ADAM18: variants seen among roughly 807,000 people sequenced by gnomAD.
The protein encoded by ADAM18 is disintegrin and metalloproteinase domain-containing protein 18.
A neutral mutation model predicts 94.4 loss-of-function variants in ADAM18; 117 were observed. The observed-to-expected ratio is 1.24, with a 90% CI of 1.07 to 1.45. The LOEUF (loss-of-function observed/expected upper bound fraction) is 1.45, where lower values mean the gene tolerates loss of function less well. Ranked by LOEUF, ADAM18 falls within the 40% of genes most tolerant of loss-of-function variation. The pLI, the probability that ADAM18 is intolerant of heterozygous loss-of-function variation, is 0.00. For missense variants in ADAM18, 936 were observed against 880.0 expected (o/e 1.06, Z -0.81); for synonymous variants, 327 against 291.6 (o/e 1.12, Z -1.24).
intron 14 of ADAM18, among the ~76,000 whole-genome samples, chr8:39,668,719 C>A (rs1821063649): frequency 6.6e-6 from 1 of 151,976 alleles, no homozygotes; most frequent in Admixed American, 6.6e-5. Flanking sequence ...TCTTGCTTTT[C>A]TGGTGAGCAA....
chr8:39,598,063 T>C (rs1818791522), intron 2 of ADAM18, among the ~76,000 whole-genome samples: 1 of 152,208 alleles, frequency 6.6e-6, no homozygotes, highest in Non-Finnish European at 1.5e-5. Flanking sequence ...TACTTCACAT[T>C]CCCCTCCTTC....
intron 19 of ADAM18, among the ~76,000 whole-genome samples, chr8:39,729,229 C>G (rs1823005118): frequency 6.6e-6 from 1 of 152,056 alleles, no homozygotes; most frequent in African/African-American, 2.4e-5. Flanking sequence ...CAGAATTTCA[C>G]TTTTGCAAGA....
chr8:39,682,525 A>C (rs1172466365), intron 16 of ADAM18, among the ~76,000 whole-genome samples: 2 of 152,184 alleles, frequency 1.3e-5, no homozygotes, highest in African/African-American at 4.8e-5. Flanking sequence ...CAGAACTGAG[A>C]GCCAAGAGAG....
At chr8:39,654,237 A>G (rs1422093282) in intron 12 of ADAM18, among the ~76,000 whole-genome samples, 1 of 142,924 alleles carries the variant, frequency 7.0e-6, no homozygotes, top group Non-Finnish European at 1.5e-5. Context: ...AGCTCACTGC[A>G]AGCTCCGCCT....
At chr8:39,714,413 A>G (rs984141649) in intron 18 of ADAM18, among the ~76,000 whole-genome samples, 1 of 152,216 alleles carries the variant, frequency 6.6e-6, no homozygotes, top group African/African-American at 2.4e-5. Context: ...TGTTGTGCAC[A>G]TGTACCCTAG....
intron 19 of ADAM18, among the ~76,000 whole-genome samples, chr8:39,729,619 C>T (rs1182635901): frequency 6.6e-6 from 1 of 151,846 alleles, no homozygotes; most frequent in Non-Finnish European, 1.5e-5. Flanking sequence ...TAAATCAATG[C>T]TAAGGTACAA....
Position 39,693,178 on chromosome 8 carries a change from T to G in ADAM18, c.1902+498T>G, listed in dbSNP as rs116861930. ...TGTTACTTTTATATTGCAGTTCCATTTATTAAAATTTATAATTTGAGTTTT... is the reference window on the plus strand; with the variant it reads ...TGTTACTTTTATATTGCAGTTCCATGTATTAAAATTTATAATTTGAGTTTT... On this transcript the variant is annotated intron_variant, in intron 17 of 19. Transcript: ENST00000265707. Among the ~76,000 whole-genome samples, 63 of 151,712 alleles carry G rather than the reference T, an allele frequency of 4.2e-4. 1 individual carries two copies. The East Asian group carries it at 0.012, about 29-fold the overall frequency.
chr8:39,676,343 C>T (rs181802029), intron 14 of ADAM18, among the ~76,000 whole-genome samples: 57 of 152,350 alleles, frequency 3.7e-4, no homozygotes, highest in African/African-American at 1.4e-3. Context: ...CTACTCAAGC[C>T]TCAGCAATGG....
intron 6 of ADAM18, among the ~76,000 whole-genome samples, chr8:39,612,692 G>A (rs1819313962): frequency 6.6e-6 from 1 of 152,268 alleles, no homozygotes; most frequent in Admixed American, 6.5e-5. Flanking sequence ...TCTGATTTGA[G>A]CACCCTACTG....
intron 6 of ADAM18, among the ~76,000 whole-genome samples, chr8:39,621,309 T>TCACACACACACACACACACACA (rs55818122): frequency 7.8e-6 from 1 of 128,856 alleles, no homozygotes; most frequent in African/African-American, 2.9e-5. Context: ...CATGACAAAA[T>TCACACACACACACACACACACA]CACACACACA....
At chr8:39,616,131 C>A (rs927718023) in intron 6 of ADAM18, among the ~76,000 whole-genome samples, 1 of 152,154 alleles carries the variant, frequency 6.6e-6, no homozygotes, top group Non-Finnish European at 1.5e-5. Flanking sequence ...GGGCCAGCCA[C>A]AGTGGCTCAT....
At chr8:39,591,006 T>C (rs1250018861) in intron 2 of ADAM18, among the ~76,000 whole-genome samples, 6 of 152,208 alleles carry the variant, frequency 3.9e-5, no homozygotes, top group Admixed American at 1.3e-4. Context: ...ACCAAACTTA[T>C]GTTTGGTATA....
chr8:39,705,016 C>T (rs1187639182), intron 17 of ADAM18, among the ~76,000 whole-genome samples: 10 of 151,968 alleles, frequency 6.6e-5, no homozygotes, highest in African/African-American at 2.4e-4. Flanking sequence ...TATCAAAATG[C>T]AAAAATGATG....
At chr8:39,637,019 T>TTATA (rs35248371) in intron 7 of ADAM18, among the ~76,000 whole-genome samples, 32 of 54,822 alleles carry the variant, frequency 5.8e-4, no homozygotes, top group Admixed American at 9.9e-4. Context: ...TGTGTGTATT[T>TTATA]TATATATATA....
chr8:39,584,776 C>T lies in ADAM18; in HGVS notation c.55+99C>T. On this transcript the variant is annotated intron_variant, in intron 1 of 19. Coordinates refer to ENST00000265707, the MANE Select transcript of ADAM18 (RefSeq NM_014237.3). ...TGTCATTCTGGGACCCTCCCCCTCT[C>T]CCTTCTGGGATCCCATGCTGGTGCT... 4.4e-6 allele frequency: 6 copies of T among 1,349,108 alleles called. No individual in the cohort carries two copies. The South Asian group carries it at 5.9e-5, about 13-fold the overall frequency. The allele number at this position is 1,349,108 out of a possible 1,614,324, so 83.6% of individuals were successfully genotyped here. A position where few individuals can be genotyped will look rare whatever the true frequency, so the allele number is the denominator to read the frequency against.
intron 19 of ADAM18, among the ~76,000 whole-genome samples, chr8:39,726,703 C>G (rs368046776): frequency 2.0e-5 from 3 of 152,264 alleles, no homozygotes; most frequent in East Asian, 3.9e-4. Context: ...GCTTTAATCT[C>G]TCTCCTGATT....
At position 39,729,972 on chromosome 8, in the gene ADAM18, A is replaced by G. The variant is rs1309246747; in HGVS notation, c.*32A>G. 1 of 1,591,422 alleles carries G rather than the reference A, an allele frequency of 6.3e-7. No homozygotes were observed. Among genetic ancestry groups the G allele is most frequent in the Non-Finnish European group, 8.6e-7 (1 of 1,159,732 alleles). ...ACAGAACTTCCATAGCAAATAACCTAAAGGAACGAATGTGCTTTATTTATA... is the reference window on the plus strand; with the variant it reads ...ACAGAACTTCCATAGCAAATAACCTGAAGGAACGAATGTGCTTTATTTATA... On this transcript the variant is annotated 3_prime_UTR_variant, in exon 20 of 20. Coordinates refer to ENST00000265707, the MANE Select transcript of ADAM18 (RefSeq NM_014237.3).
chr8:39,689,880 C>T (rs933302638), intron 16 of ADAM18, among the ~76,000 whole-genome samples: 1 of 152,012 alleles, frequency 6.6e-6, no homozygotes, highest in Non-Finnish European at 1.5e-5. Flanking sequence ...CTTTGAGCAG[C>T]GTTTTGTAGC....
chr8:39,709,360 C>T (rs1463717272), intron 18 of ADAM18, among the ~76,000 whole-genome samples: 1 of 152,202 alleles, frequency 6.6e-6, no homozygotes, highest in Non-Finnish European at 1.5e-5. Flanking sequence ...GCTGCTTCTC[C>T]TCTGTGCCAG....
Sources: gnomAD v4.1 joint callset for allele counts (sites outside exome capture counted in the v4.1 genomes callset) on GRCh38, gnomAD v4.1.1 for gene constraint, MANE v1.5 for transcripts, NCBI Gene and HGNC (gene_info 2026-07-23, HGNC 2026-07-21) for gene names.